The following ILF2 variants were observed in gnomAD, a reference collection of about 807,000 sequenced individuals.
ILF2 encodes the protein interleukin enhancer binding factor 2.
In ILF2, 9 loss-of-function variants were observed where a neutral mutation model predicts 55.3. The ratio of observed to expected loss-of-function variants is 0.16; its 90% CI spans 0.10 to 0.28. The LOEUF is 0.28. Among genes scored for constraint, ILF2 ranks in the 10% least tolerant of loss-of-function variants. The pLI, the probability that ILF2 is intolerant of heterozygous loss-of-function variation, is 1.00. For missense variants in ILF2, 266 were observed against 474.9 expected (o/e 0.56, Z 4.09); for synonymous variants, 151 against 161.8 (o/e 0.93, Z 0.50).
Position 153,668,500 on chromosome 1 carries a change from C to A in ILF2, c.166G>T (p.Ala56Ser). 1 of 1,614,140 alleles carries A rather than the reference C, an allele frequency of 6.2e-7. No homozygotes were observed. The highest frequency in any genetic ancestry group is 8.5e-7 in the Non-Finnish European group (1 of 1,180,000). ...AGGTCCTGATTCCTCTTCAGCAAGG[C>A]CTCACTGAAGGAAGTTTCATCAGGT... ...PAPDETSFSE[A>S]LLKRNQDLAP... is the part of the protein sequence containing the mutation. Residue 56 changes from alanine to serine, a missense_variant, in exon 4 of 14, where the codon GCC becomes TCC. Coordinates refer to ENST00000361891, the MANE Select transcript of ILF2 (RefSeq NM_004515.4).
chr1:153,670,660 C>T (rs1300584740), intron 1 of ILF2, among the ~76,000 whole-genome samples: 1 of 152,024 alleles, frequency 6.6e-6, no homozygotes, highest in Non-Finnish European at 1.5e-5. Context: ...GGCTTGAGGA[C>T]ACCCCCTCAT....
chr1:153,667,595 A>G lies in ILF2; in HGVS notation c.354T>C (p.Asn118=). The G allele has an allele frequency of 6.2e-7, 1 of 1,613,986 alleles. No homozygotes were observed. The highest frequency in any genetic ancestry group is 8.5e-7 in the Non-Finnish European group (1 of 1,179,820). ...YKKGTMTTGH[N]VADLVVILKI... is the part of the protein sequence containing the mutation. ...TGAGTATCACCACCAGGTCAGCCAC[A>G]TTGTGTCCTGTAGTCATTGTCCCCT... The change falls in exon 6 of 14, where the codon AAT becomes AAC. Residue 118 remains asparagine, a synonymous_variant. Transcript: ENST00000361891.
Position 153,664,024 on chromosome 1 carries a change from A to T in ILF2, c.744+19T>A, listed in dbSNP as rs377035387. 2.0e-6 allele frequency: 3 copies of T among 1,472,502 alleles called. No homozygotes were observed. Among genetic ancestry groups the T allele is most frequent in the Non-Finnish European group, 2.8e-6 (3 of 1,055,040 alleles). The allele number at this position is 1,472,502 out of a possible 1,614,324, so 91.2% of individuals were successfully genotyped here. On this transcript the variant is annotated intron_variant, in intron 10 of 13. Coordinates refer to ENST00000361891, the MANE Select transcript of ILF2 (RefSeq NM_004515.4). ...TAAATAAGGATGATGAGGAACTCCA[A>T]TTGCCCATCTTTACTTACTAGTAGG...
intron 5 of ILF2, among the ~76,000 whole-genome samples, 156 bp downstream of exon 5, chr1:153,667,844 T>C (rs1669352000): frequency 6.6e-6 from 1 of 152,196 alleles, no homozygotes; most frequent in Non-Finnish European, 1.5e-5. Flanking sequence ...ACAAGTCTTG[T>C]CCCCAAGATC....
At chr1:153,665,783 A>G (rs2101714301) in intron 6 of ILF2, 55 bp from the exon 7 acceptor site, 3 of 1,350,540 alleles carry the variant, frequency 2.2e-6, no homozygotes, top group Middle Eastern at 1.8e-4. Flanking sequence ...TAGACTTTCT[A>G]TGTATCTCTA....
At chr1:153,670,346 C>T (rs1478538614) in intron 1 of ILF2, 116 bp from the exon 2 acceptor site, 7 of 929,812 alleles carry the variant, frequency 7.5e-6, no homozygotes, top group Non-Finnish European at 1.2e-5. Context: ...AGACCCCACT[C>T]ACACTTACAC....
chr1:153,668,179 T>C, intron 4 of ILF2, 102 bp from the exon 5 acceptor site: 17 of 899,154 alleles, frequency 1.9e-5, no homozygotes, highest in Non-Finnish European at 2.9e-5. Flanking sequence ...GCTGACTCAA[T>C]ACTGACATAG....
intron 1 of ILF2, among the ~76,000 whole-genome samples, chr1:153,670,461 A>C (rs1415587952): frequency 1.3e-5 from 2 of 152,152 alleles, no homozygotes; most frequent in Middle Eastern, 3.2e-3. Context: ...TACACTTAAT[A>C]ACCCATAATC....
chr1:153,670,090 T>G, intron 2 of ILF2, 81 bp downstream of exon 2: 1 of 1,437,768 alleles, frequency 7.0e-7, no homozygotes. Context: ...CCAAGTGACA[T>G]TAGTCTACTC....
At chr1:153,664,542 TAC>T (rs1262789930) in intron 8 of ILF2, 68 bp from the exon 9 acceptor site, 3 of 1,256,780 alleles carry the variant, frequency 2.4e-6, no homozygotes, top group Admixed American at 1.7e-5. Context: ...TTACCACTGC[TAC>T]AGTCTTAAAA....
chr1:153,670,777 C>A (rs1432487746), intron 1 of ILF2, 141 bp downstream of exon 1: 10 of 1,014,736 alleles, frequency 9.9e-6, no homozygotes, highest in Non-Finnish European at 1.6e-5. Flanking sequence ...ATCTCTCCCA[C>A]TATCCTAGAC....
At chr1:153,669,814 A>G (rs1443886897) in intron 3 of ILF2, 22 bp downstream of exon 3, 1 of 1,589,038 alleles carries the variant, frequency 6.3e-7, no homozygotes, top group Non-Finnish European at 8.6e-7. Context: ...GAAAATGTGT[A>G]TCATTAACCC....
rs747490921 is a variant in ILF2 at position 153,664,493 on chromosome 1, T to C, written c.578-19A>G. On this transcript the variant is annotated intron_variant, in intron 8 of 13. Transcript: ENST00000361891. ...ATATCCACTAAAAAGACAAGCATGA[T>C]ATGCCAGGATGAAACATTTTCATTA... The C allele has an allele frequency of 1.0e-5, 16 of 1,586,580 alleles. No individual in the cohort carries two copies. The highest frequency in any genetic ancestry group is 1.7e-5 in the Admixed American group (1 of 59,916).
intron 4 of ILF2, 22 bp from the exon 5 acceptor site, chr1:153,668,099 T>C: frequency 6.6e-7 from 1 of 1,520,668 alleles, no homozygotes; most frequent in South Asian, 1.2e-5. Flanking sequence ...TATGAAACAA[T>C]ACTTGAAAAT....
chr1:153,667,738 G>A (rs1669348272), intron 5 of ILF2, 81 bp from the exon 6 acceptor site: 1 of 943,794 alleles, frequency 1.1e-6, no homozygotes, highest in Non-Finnish European at 1.6e-6. Flanking sequence ...TTACAACACA[G>A]CTACCTGTTA....
At chr1:153,667,875 C>T (rs767023323) in intron 5 of ILF2, 125 bp downstream of exon 5, 3 of 730,406 alleles carry the variant, frequency 4.1e-6, no homozygotes, top group Non-Finnish European at 7.0e-6. Flanking sequence ...AGAAATTCCA[C>T]TGTACTTTCT....
chr1:153,670,861 G>C, intron 1 of ILF2, 57 bp downstream of exon 1: 3 of 1,609,820 alleles, frequency 1.9e-6, no homozygotes, highest in Non-Finnish European at 2.6e-6. Context: ...TTCGGCCCAC[G>C]TTCACAAAGT....
Position 153,662,772 on chromosome 1 carries a change from C to T in ILF2, c.945G>A (p.Gln315=). ...CATGTGAGAGGATTCGGACGAGAGT[C>T]TGAGCTGTATAGCAGACCATGTCCT... ...EQQDMVCYTA[Q]TLVRILSHGG... The change falls in exon 13 of 14, where the codon CAG becomes CAA. Residue 315 remains glutamine (Q), a synonymous_variant. Transcript: ENST00000361891. 1 of 1,614,122 alleles carries T rather than the reference C, an allele frequency of 6.2e-7. No homozygotes were observed. Among genetic ancestry groups the T allele is most frequent in the Non-Finnish European group, 8.5e-7 (1 of 1,180,020 alleles).
chr1:153,662,290 C>G lies in ILF2; in HGVS notation c.*106G>C, dbSNP rs1669189260. 2 of 1,402,386 alleles carry G rather than the reference C, an allele frequency of 1.4e-6. No individual in the cohort carries two copies. The highest frequency in any genetic ancestry group is 1.3e-5 in the South Asian group (1 of 75,740). 86.9% of individuals were successfully genotyped at this position (1,402,386 alleles called of 1,614,324 possible). The stretch of plus-strand genomic sequence containing the variant: ...TCTATGGAGTTTACTTTTCTTCCTG[C>G]TATCTTCCCTATCCCACGGAAATGT... On this transcript the variant is annotated 3_prime_UTR_variant, in exon 14 of 14. Coordinates refer to ENST00000361891, the MANE Select transcript of ILF2 (RefSeq NM_004515.4).
Sources: allele counts gnomAD v4.1 joint callset (sites outside exome capture counted in the v4.1 genomes callset), GRCh38; gene constraint gnomAD v4.1.1; transcripts MANE v1.5; gene names NCBI Gene and HGNC (gene_info 2026-07-23, HGNC 2026-07-21).